Variants in SGCZ observed in about 807,000 individuals in gnomAD.
SGCZ encodes zeta-sarcoglycan.
Under a neutral mutation model 41.3 loss-of-function variants are expected in SGCZ, and 40 were observed. The ratio of observed to expected loss-of-function variants is 0.97; its 90% CI spans 0.75 to 1.26. The LOEUF (loss-of-function observed/expected upper bound fraction) is 1.26. Ranked by LOEUF, SGCZ falls within the 50% of genes most tolerant of loss-of-function variation. SGCZ has a pLI of 0.00. For missense variants in SGCZ, 552 were observed against 369.8 expected, an observed-to-expected ratio of 1.49 and a Z score of -4.04; for synonymous variants, 206 against 137.5, an observed-to-expected ratio of 1.50 and a Z score of -3.49.
At chr8:14,875,615 G>A (rs1053231037) in intron 1 of SGCZ, among the ~76,000 whole-genome samples, 13 of 152,094 alleles carry the variant, frequency 8.5e-5, no homozygotes, top group Admixed American at 8.5e-4. Context: ...TTGGACTGTG[G>A]TTTTCTCATC....
chr8:14,568,237 G>T (rs1261419034), intron 1 of SGCZ, among the ~76,000 whole-genome samples: 1 of 151,888 alleles, frequency 6.6e-6, no homozygotes, highest in Non-Finnish European at 1.5e-5. Flanking sequence ...CTGTCCGGGG[G>T]TGGGGAGAAA....
At chr8:14,433,831 C>A (rs563175454) in intron 2 of SGCZ, among the ~76,000 whole-genome samples, 1 of 152,138 alleles carries the variant, frequency 6.6e-6, no homozygotes, top group Non-Finnish European at 1.5e-5. Context: ...TTGGAAAACA[C>A]TGGATTCATC....
intron 1 of SGCZ, among the ~76,000 whole-genome samples, chr8:14,855,252 G>A (rs1346923773): frequency 6.6e-6 from 1 of 151,936 alleles, no homozygotes; most frequent in East Asian, 1.9e-4. Context: ...ATTTCACCAT[G>A]TTGGCCAGGC....
At chr8:15,026,283 G>A (rs892718310) in intron 1 of SGCZ, among the ~76,000 whole-genome samples, 1 of 152,060 alleles carries the variant, frequency 6.6e-6, no homozygotes, top group African/African-American at 2.4e-5. Context: ...GAAATACCTA[G>A]GATGATAGAA....
intron 2 of SGCZ, among the ~76,000 whole-genome samples, chr8:14,514,774 T>C (rs1802565685): frequency 1.1e-5 from 1 of 91,004 alleles, no homozygotes; most frequent in African/African-American, 5.0e-5. Context: ...TTTATATACA[T>C]ATATGTAAAT....
rs145708196 is a variant in SGCZ, at chr8:14,160,857, A to G, written c.547+3723T>C. Among the ~76,000 whole-genome samples, 1,239 of 152,282 alleles carry G rather than the reference A, an allele frequency of 8.1e-3. 17 individuals carry two copies. The highest frequency in any genetic ancestry group is 0.028 in the African/African-American group (1,149 of 41,556). ...ATAGTCATAACTGACTTTGCCTCAGATATACAGACACATCCCTTGTCTAAA... is the reference window on the plus strand; with the variant it reads ...ATAGTCATAACTGACTTTGCCTCAGGTATACAGACACATCCCTTGTCTAAA... On this transcript the variant is annotated intron_variant, in intron 5 of 7. Coordinates refer to ENST00000382080, the MANE Select transcript of SGCZ (RefSeq NM_139167.4).
chr8:14,624,318 T>G (rs565329181), intron 1 of SGCZ, among the ~76,000 whole-genome samples: 1 of 152,128 alleles, frequency 6.6e-6, no homozygotes, highest in African/African-American at 2.4e-5. Flanking sequence ...GATGTCTTTA[T>G]GGTTCTAATG....
intron 5 of SGCZ, among the ~76,000 whole-genome samples, chr8:14,140,737 C>T (rs914288241): frequency 6.6e-6 from 1 of 152,098 alleles, no homozygotes; most frequent in Non-Finnish European, 1.5e-5. Flanking sequence ...TGAAAATGGC[C>T]ATACTGCCCA....
At chr8:15,178,732 T>C (rs1359597808) in intron 1 of SGCZ, among the ~76,000 whole-genome samples, 2 of 152,164 alleles carry the variant, frequency 1.3e-5, no homozygotes, top group Non-Finnish European at 2.9e-5. Context: ...ACCTCTGCAT[T>C]CTATATAATA....
At chr8:14,476,532 C>T (rs117307520) in intron 2 of SGCZ, among the ~76,000 whole-genome samples, 3 of 151,896 alleles carry the variant, frequency 2.0e-5, no homozygotes, top group Non-Finnish European at 4.4e-5. Flanking sequence ...TTTTAAAAAG[C>T]CCACAATGAT....
chr8:14,242,340 G>C (rs1274318723), intron 3 of SGCZ, among the ~76,000 whole-genome samples: 2 of 152,146 alleles, frequency 1.3e-5, no homozygotes, highest in African/African-American at 2.4e-5. Flanking sequence ...TTACATATAT[G>C]AGATCATCCA....
chr8:15,071,196 G>T lies in SGCZ; in HGVS notation c.39+166389C>A, dbSNP rs1297890098. ...AGGCTTTATAATGTTTAAGTAATTA[G>T]AGGAGCAACTTGATGAAATCAGCTT... On this transcript the variant is annotated intron_variant, in intron 1 of 7. Transcript: ENST00000382080. Among the ~76,000 whole-genome samples the T allele has an allele frequency of 2.0e-5, 3 of 152,172 alleles. No homozygotes were observed. The East Asian group carries it at 5.8e-4, about 29-fold the overall frequency.
chr8:14,856,346 A>G (rs1465498272), intron 1 of SGCZ, among the ~76,000 whole-genome samples: 1 of 152,170 alleles, frequency 6.6e-6, no homozygotes, highest in Non-Finnish European at 1.5e-5. Context: ...TTTTTCATCA[A>G]CCTCTAAAGG....
chr8:14,990,107 G>C (rs993034118), intron 1 of SGCZ, among the ~76,000 whole-genome samples: 4 of 152,148 alleles, frequency 2.6e-5, no homozygotes, highest in Non-Finnish European at 5.9e-5. Flanking sequence ...ACGTTGCCCT[G>C]CACACAGCCT....
At chr8:14,362,860 C>G (rs1376599316) in intron 2 of SGCZ, among the ~76,000 whole-genome samples, 1 of 152,168 alleles carries the variant, frequency 6.6e-6, no homozygotes, top group Non-Finnish European at 1.5e-5. Flanking sequence ...TACACAGAAA[C>G]TTTTATCTAC....
intron 1 of SGCZ, among the ~76,000 whole-genome samples, chr8:14,890,751 C>T (rs1287828458): frequency 6.6e-6 from 1 of 152,100 alleles, no homozygotes; most frequent in African/African-American, 2.4e-5. Context: ...ACTTTCATAG[C>T]CAAAGAGGAG....
chr8:15,015,189 G>A (rs558356798), intron 1 of SGCZ, among the ~76,000 whole-genome samples: 6 of 152,100 alleles, frequency 3.9e-5, no homozygotes, highest in African/African-American at 1.2e-4. Context: ...GCTGCAGTGA[G>A]CCAAGATCAC....
At chr8:15,222,635 T>C (rs1801641903) in intron 1 of SGCZ, among the ~76,000 whole-genome samples, 1 of 152,192 alleles carries the variant, frequency 6.6e-6, no homozygotes, top group Non-Finnish European at 1.5e-5. Context: ...TAAATAATTA[T>C]ATTTATGAGA....
At chr8:14,732,580 G>C (rs189084133) in intron 1 of SGCZ, among the ~76,000 whole-genome samples, 18 of 152,272 alleles carry the variant, frequency 1.2e-4, no homozygotes, top group African/African-American at 4.3e-4. Context: ...CTCCACTGCA[G>C]GTGTAATCAG....
Sources: allele counts gnomAD v4.1 joint callset (sites outside exome capture counted in the v4.1 genomes callset), GRCh38; gene constraint gnomAD v4.1.1; transcripts MANE v1.5; gene names NCBI Gene and HGNC (gene_info 2026-07-23, HGNC 2026-07-21).